The following PAN3 variants were observed in gnomAD, a reference collection of about 807,000 sequenced individuals.
PAN3 encodes the protein poly(A) specific ribonuclease subunit PAN3, also known as PAN2-PAN3 deadenylation complex subunit PAN3.
A neutral mutation model predicts 96.2 loss-of-function variants in PAN3; 19 were observed. The observed-to-expected ratio is 0.20, with a 90% CI of 0.14 to 0.29. The LOEUF (loss-of-function observed/expected upper bound fraction) is 0.29. Among genes scored for constraint, PAN3 ranks in the 10% least tolerant of loss-of-function variants. The pLI is 1.00. For synonymous variants in PAN3, 433 were observed against 406.6 expected (o/e 1.06, Z -0.78); for missense variants, 882 against 1,108.1 (o/e 0.80, Z 2.90).
rs1304218931 is a variant in PAN3 at position 28,174,319 on chromosome 13, T to C, written c.478T>C (p.Ser160Pro). Residue 160 changes from serine (S) to proline (P), a missense_variant, in exon 2 of 19, where the codon TCC becomes CCC. Ser to Pro is a moderately conservative substitution (Grantham distance 74). Around this residue, in one of 3 missense-constraint regions of PAN3, gnomAD observed 442 missense variants for 422.8 expected, o/e 1.05. Coordinates refer to ENST00000380958, the MANE Select transcript of PAN3 (RefSeq NM_175854.8). ...TTTAACTGATACAAGTCTCACAGATTCCTATTTTAGCACCAGCTTTATTGG... is the reference window on the plus strand; with the variant it reads ...TTTAACTGATACAAGTCTCACAGATCCCTATTTTAGCACCAGCTTTATTGG... The part of the protein sequence containing the change: ...GALTDTSLTD[S>P]YFSTSFIGVN... 1.9e-6 allele frequency: 3 copies of C among 1,612,878 alleles called. No individual in the cohort carries two copies. The South Asian group carries it at 3.3e-5, about 18-fold the overall frequency.
intron 1 of PAN3, among the ~76,000 whole-genome samples, chr13:28,149,564 A>G (rs1407395345): frequency 2.0e-5 from 3 of 152,144 alleles, no homozygotes; most frequent in African/African-American, 7.2e-5. Flanking sequence ...GGTATGTAAT[A>G]AAATTATATT....
At chr13:28,151,549 G>A (rs923585663) in intron 1 of PAN3, among the ~76,000 whole-genome samples, 25 of 152,046 alleles carry the variant, frequency 1.6e-4, no homozygotes, top group Non-Finnish European at 2.6e-4. Context: ...GAGGGCAAGA[G>A]AGAATTTAGG....
At chr13:28,168,104 A>G (rs950686864) in intron 1 of PAN3, among the ~76,000 whole-genome samples, 1 of 152,208 alleles carries the variant, frequency 6.6e-6, no homozygotes, top group African/African-American at 2.4e-5. Flanking sequence ...TTAAGTTTCA[A>G]TATATCAATT....
In PAN3 at chr13:28,158,326, A is replaced by G. The variant is rs578098518; in HGVS notation, c.431-15946A>G. The stretch of plus-strand genomic sequence containing the variant: ...GGAAGATGCCAAAAGCAATGGCGAC[A>G]ACAACAAAAAATTGACAAATGAGAC... On this transcript the variant is annotated intron_variant, in intron 1 of 18. Transcript: ENST00000380958. Among the ~76,000 whole-genome samples the G allele has an allele frequency of 3.9e-5, 6 of 152,320 alleles. No individual in the cohort carries two copies. In the East Asian group the frequency reaches 9.6e-4, roughly 24 times the overall value.
chr13:28,278,616 CAAACT>C (rs1887234556), intron 15 of PAN3, among the ~76,000 whole-genome samples: 1 of 152,036 alleles, frequency 6.6e-6, no homozygotes, highest in African/African-American at 2.4e-5. Flanking sequence ...ATAATAAACA[CAAACT>C]AAAGTTTATG....
intron 18 of PAN3, among the ~76,000 whole-genome samples, chr13:28,290,099 C>T (rs1262423054): frequency 6.6e-6 from 1 of 152,050 alleles, no homozygotes; most frequent in Admixed American, 6.6e-5. Context: ...GTGAGAGCCT[C>T]GAATAGTTTT....
At chr13:28,225,055 A>G (rs977958206) in intron 6 of PAN3, among the ~76,000 whole-genome samples, 1 of 152,242 alleles carries the variant, frequency 6.6e-6, no homozygotes, top group Admixed American at 6.5e-5. Context: ...TTTTGGGAAA[A>G]TAAATCCAAA....
At chr13:28,171,032 G>T (rs1435234963) in intron 1 of PAN3, among the ~76,000 whole-genome samples, 1 of 152,120 alleles carries the variant, frequency 6.6e-6, no homozygotes, top group African/African-American at 2.4e-5. Context: ...CCTACCTCAG[G>T]CGATCCGCCC....
At chr13:28,234,496 AG>A (rs1028015731) in intron 6 of PAN3, among the ~76,000 whole-genome samples, 1 of 152,218 alleles carries the variant, frequency 6.6e-6, no homozygotes, top group African/African-American at 2.4e-5. Context: ...ATAGGTAACA[AG>A]GGTTTTAAAC....
At chr13:28,291,558 G>A (rs1196584567) in intron 18 of PAN3, among the ~76,000 whole-genome samples, 2 of 152,166 alleles carry the variant, frequency 1.3e-5, no homozygotes, top group South Asian at 2.1e-4. Flanking sequence ...GGCTGGGCAC[G>A]GTGGCTCACA....
Position 28,266,738 on chromosome 13 carries a change from T to C in PAN3, c.1435T>C (p.Tyr479His). The C allele has an allele frequency of 6.3e-7, 1 of 1,594,466 alleles. No homozygotes were observed. The highest frequency in any genetic ancestry group is 2.3e-5 in the East Asian group (1 of 44,326). The stretch of plus-strand genomic sequence containing the variant: ...AGCAGTTCCTACAGAGGTTGACAGC[T>C]ACCATAGCCTATTCCCTCTAGAACC... Reference protein sequence around the residue: ...MPAVPTEVDSYHSLFPLEPLP... With the variant: ...MPAVPTEVDSHHSLFPLEPLP... The change falls in exon 10 of 19, where the codon TAC becomes CAC. Residue 479 changes from tyrosine to histidine, a missense_variant. Tyr to His is a moderately conservative substitution (Grantham distance 83). This residue lies in a region of PAN3 where 364 missense variants were observed against 513.6 expected (regional missense o/e 0.71). Transcript: ENST00000380958.
intron 1 of PAN3, among the ~76,000 whole-genome samples, chr13:28,162,135 G>A (rs1872955117): frequency 6.6e-6 from 1 of 152,204 alleles, no homozygotes; most frequent in African/African-American, 2.4e-5. Flanking sequence ...ACCTTGGAAA[G>A]TAGATGCTAC....
rs1289408662 is a variant in PAN3 at position 28,236,851 on chromosome 13, C to A, written c.1000+16473C>A. On this transcript the variant is annotated intron_variant, in intron 6 of 18. Coordinates refer to ENST00000380958, the MANE Select transcript of PAN3 (RefSeq NM_175854.8). ...GAACTCCTGGACTCAAGCGATCCTC[C>A]TGCCTTGGCTTCCCAAAGCGTTTTG... is the stretch of plus-strand genomic sequence containing the variant. 2.0e-5 allele frequency among the ~76,000 whole-genome samples: 3 copies of A among 152,188 alleles called. No homozygotes were observed. In the South Asian group the frequency reaches 6.2e-4, roughly 32 times the overall value.
intron 1 of PAN3, among the ~76,000 whole-genome samples, chr13:28,164,090 A>C (rs1873231378): frequency 6.6e-6 from 1 of 152,168 alleles, no homozygotes; most frequent in Non-Finnish European, 1.5e-5. Context: ...TGTCTCAAAA[A>C]CAAAACCAAA....
chr13:28,238,820 A>T (rs45494297), intron 6 of PAN3, among the ~76,000 whole-genome samples: 259 of 151,932 alleles, frequency 1.7e-3, no homozygotes, highest in African/African-American at 5.9e-3. Flanking sequence ...ATAATAGTGT[A>T]TTATAGATAA....
intron 5 of PAN3, among the ~76,000 whole-genome samples, chr13:28,210,385 T>C (rs1269567875): frequency 6.6e-6 from 1 of 152,024 alleles, no homozygotes; most frequent in Non-Finnish European, 1.5e-5. Flanking sequence ...AAGTTATAAA[T>C]AGGAGAACTT....
At chr13:28,140,875 C>T (rs1282424051) in intron 1 of PAN3, among the ~76,000 whole-genome samples, 2 of 152,128 alleles carry the variant, frequency 1.3e-5, no homozygotes, top group African/African-American at 2.4e-5. Context: ...AATTTTATCA[C>T]TTTCGAGCAT....
intron 18 of PAN3, 107 bp from the exon 19 acceptor site, chr13:28,292,275 G>T: frequency 8.5e-7 from 1 of 1,170,822 alleles, no homozygotes; most frequent in Non-Finnish European, 1.2e-6. Flanking sequence ...ATCTGAAAGG[G>T]AATGTGACAA....
chr13:28,270,520 G>A (rs1312296346), intron 12 of PAN3, among the ~76,000 whole-genome samples, 181 bp from the exon 13 acceptor site: 2 of 152,190 alleles, frequency 1.3e-5, no homozygotes, highest in South Asian at 2.1e-4. Flanking sequence ...GCATAATCTC[G>A]GACAGGAATC....
Sources: gnomAD v4.1 joint callset for allele counts (sites outside exome capture counted in the v4.1 genomes callset) on GRCh38, gnomAD v4.1.1 for gene constraint, gnomAD v4.1.1 regional missense constraint, MANE v1.5 for transcripts, NCBI Gene and HGNC (gene_info 2026-07-23, HGNC 2026-07-21) for gene names.